ITGAM: variants seen among roughly 807,000 people sequenced by gnomAD.
ITGAM encodes the protein integrin subunit alpha M, also known as integrin alpha-M.
In ITGAM, 79 loss-of-function variants were observed where a neutral mutation model predicts 137.5. The ratio of observed to expected loss-of-function variants is 0.57; its 90% CI spans 0.48 to 0.69. The LOEUF is 0.69. ITGAM is among the 30% of genes least tolerant of loss of function. The pLI, the probability that ITGAM is intolerant of heterozygous loss-of-function variation, is 0.00. For synonymous variants in ITGAM, 583 were observed against 592.3 expected, an observed-to-expected ratio of 0.98 and a Z score of 0.23; for missense variants, 1,343 against 1,483.5, an observed-to-expected ratio of 0.91 and a Z score of 1.56.
Position 31,326,872 on chromosome 16 carries a change from C to A in ITGAM, c.2645C>A (p.Thr882Lys), listed in dbSNP as rs771895538. The A allele has an allele frequency of 6.2e-7, 1 of 1,611,824 alleles. No homozygotes were observed. The highest frequency in any genetic ancestry group is 8.5e-7 in the Non-Finnish European group (1 of 1,177,914). The change falls in exon 22 of 30, where the codon ACG (threonine) becomes AAG (lysine). Residue 882 changes from threonine to lysine, a missense_variant. Physicochemically the swap from Thr to Lys is moderately conservative, Grantham distance 78. Transcript: ENST00000544665. ...PENSEVTFNI[T>K]FDVDSKASLG... ...TCACTCCAGGTCACCTTTAATATCACGTTTGATGTAGACTCTAAGGCTTCC... is the reference window on the plus strand; with the variant it reads ...TCACTCCAGGTCACCTTTAATATCAAGTTTGATGTAGACTCTAAGGCTTCC...
At chr16:31,262,588 A>G (rs988110706) in intron 2 of ITGAM, among the ~76,000 whole-genome samples, 2 of 151,632 alleles carry the variant, frequency 1.3e-5, no homozygotes, top group East Asian at 2.0e-4. Flanking sequence ...TTTTTTTTGT[A>G]TAGACGAGGT....
chr16:31,267,341 C>T (rs558116796), intron 5 of ITGAM, among the ~76,000 whole-genome samples: 1 of 152,198 alleles, frequency 6.6e-6, no homozygotes, highest in South Asian at 2.1e-4. Flanking sequence ...ATATTTCACC[C>T]TCCACAGTTA....
rs1268378054 is a variant in ITGAM, at chr16:31,324,614, G to A, written c.2158-37G>A. The A allele has an allele frequency of 2.7e-5, 44 of 1,608,910 alleles. No individual in the cohort carries two copies. Among genetic ancestry groups the A allele is most frequent in the Non-Finnish European group, 3.6e-5 (42 of 1,177,066 alleles). ...AAGCATGGAGTGGGCTTGGGGAGCT[G>A]AGGAGGGCAGATCCCCAAATCCCGG... On this transcript the variant is annotated intron_variant, in intron 17 of 29. Transcript: ENST00000544665. The surrounding 1 kb of genome is among the most constrained non-coding windows in gnomAD (Gnocchi z 4.5).
At position 31,278,152 on chromosome 16, in the gene ITGAM, C is replaced by A. The variant is rs759517468; in HGVS notation, c.1356+43C>A. The A allele has an allele frequency of 7.7e-6, 12 of 1,565,950 alleles. No individual in the cohort carries two copies. The Admixed American group carries it at 2.2e-4, about 29-fold the overall frequency. On this transcript the variant is annotated intron_variant, in intron 12 of 29. Transcript: ENST00000544665. ...AGCATGAATGTGCAAACAGAGGCGC[C>A]CTGGGGTCTTAGAGATTCCAGGAGG...
Position 31,265,479 on chromosome 16 carries a change from C to A in ITGAM, c.219C>A (p.Cys73Ter), listed in dbSNP as rs200003591. Residue 73 changes from cysteine (C) to a stop codon, truncating the protein, a stop_gained, in exon 3 of 30, where the codon TGC becomes TGA. Transcript: ENST00000544665. LOFTEE classifies it high-confidence loss of function. ...AGTGCGACTACAGCACAGGCTCATGCGAGCCCATCCGCCTGCAGGGTGAGT... is the reference window on the plus strand; with the variant it reads ...AGTGCGACTACAGCACAGGCTCATGAGAGCCCATCCGCCTGCAGGGTGAGT... ...LYQCDYSTGSCEPIRLQVPVE... is the reference protein window; with the variant it reads ...LYQCDYSTGS 6.3e-7 allele frequency: 1 copy of A among 1,599,356 alleles called. No individual in the cohort carries two copies. Among genetic ancestry groups the A allele is most frequent in the African/African-American group, 1.3e-5 (1 of 74,484 alleles).
At chr16:31,280,509 G>C (rs1471479801) in intron 12 of ITGAM, among the ~76,000 whole-genome samples, 2 of 152,072 alleles carry the variant, frequency 1.3e-5, no homozygotes, top group African/African-American at 4.8e-5. Flanking sequence ...ATTGTGAATG[G>C]GAGTTCACTC....
At chr16:31,331,510 T>TAC in intron 29 of ITGAM, 126 bp from the exon 30 acceptor site, 7 of 600,794 alleles carry the variant, frequency 1.2e-5, no homozygotes, top group Admixed American at 2.9e-5. Context: ...CGGATGTCAC[T>TAC]CCCCTCCCGC....
intron 2 of ITGAM, among the ~76,000 whole-genome samples, chr16:31,263,184 A>G (rs1596965167): frequency 6.6e-6 from 1 of 151,672 alleles, no homozygotes; most frequent in East Asian, 2.0e-4. Flanking sequence ...CAGGTGATCC[A>G]CCTGCCTCGG....
chr16:31,330,928 CAGTG>C (rs956638763), intron 28 of ITGAM, among the ~76,000 whole-genome samples: 7 of 97,474 alleles, frequency 7.2e-5, no homozygotes, highest in African/African-American at 3.6e-4. Context: ...GAGACAGAGA[CAGTG>C]AGCCATGGAG....
chr16:31,297,713 G>A lies in ITGAM; in HGVS notation c.1498-32G>A, dbSNP rs781413724. 39 of 1,594,812 alleles carry A rather than the reference G, an allele frequency of 2.4e-5. No homozygotes were observed. In the East Asian group the frequency reaches 8.8e-4, roughly 36 times the overall value. On this transcript the variant is annotated intron_variant, in intron 13 of 29. Transcript: ENST00000544665. ...CCGGTGTGGGTGGAGGGGTCGCCTG[G>A]GTTGGGGCCTGATACTGTTTGTGTT...
chr16:31,277,287 C>T (rs142020177), intron 11 of ITGAM, among the ~76,000 whole-genome samples: 378 of 151,848 alleles, frequency 2.5e-3, no homozygotes, highest in African/African-American at 8.5e-3. Flanking sequence ...CTGCCTCCTG[C>T]GCTCAAGCGA....
chr16:31,302,896 TTCTC>T (rs948004091), intron 14 of ITGAM, among the ~76,000 whole-genome samples: 15 of 150,536 alleles, frequency 1.0e-4, no homozygotes, highest in South Asian at 2.1e-4. Flanking sequence ...CTTTCTTTCT[TTCTC>T]TCTCTCTCTT....
intron 5 of ITGAM, 64 bp downstream of exon 5, chr16:31,266,211 A>G: frequency 8.8e-7 from 1 of 1,131,502 alleles, no homozygotes; most frequent in Non-Finnish European, 1.3e-6. Flanking sequence ...GGCAGGACTG[A>G]GGTGACGTCT....
At chr16:31,269,436 A>G (rs141937226) in intron 5 of ITGAM, among the ~76,000 whole-genome samples, 7 of 152,170 alleles carry the variant, frequency 4.6e-5, no homozygotes, top group Non-Finnish European at 7.4e-5. Context: ...TGTTTAAACT[A>G]TAAACTATAA....
chr16:31,286,167 A>G (rs560287192), intron 12 of ITGAM, among the ~76,000 whole-genome samples: 1 of 149,536 alleles, frequency 6.7e-6, no homozygotes, highest in South Asian at 2.1e-4. Context: ...TGTTGCCGCA[A>G]AGGATGTGAT....
chr16:31,309,719 C>T (rs891165418), intron 14 of ITGAM, among the ~76,000 whole-genome samples: 1 of 152,066 alleles, frequency 6.6e-6, no homozygotes. Context: ...TTATTTTGCT[C>T]GTTAGTTGAT....
chr16:31,325,138 TC>T, intron 19 of ITGAM, 107 bp downstream of exon 19: 1 of 1,462,400 alleles, frequency 6.8e-7, no homozygotes, highest in South Asian at 1.3e-5. Context: ...GGCTATAAGG[TC>T]CGGTGTGGCT....
intron 28 of ITGAM, 35 bp from the exon 29 acceptor site, chr16:31,331,130 G>C (rs1258480395): frequency 8.9e-7 from 1 of 1,121,446 alleles, no homozygotes; most frequent in Non-Finnish European, 1.3e-6. Flanking sequence ...GAAATCCAGA[G>C]TCGTCTCCCC....
chr16:31,275,689 T>C lies in ITGAM; in HGVS notation c.999T>C (p.Phe333=), dbSNP rs1416180819. Reference sequence around the variant, plus strand: ...AGAACCAGCTTCGGGAGAAGATCTTTGCGATCGAGGGTGAGTCAGGCATCT... The same window carrying C: ...AGAACCAGCTTCGGGAGAAGATCTTCGCGATCGAGGGTGAGTCAGGCATCT... ...TIQNQLREKI[F]AIEGTQTGSS... Residue 333 remains phenylalanine (F), a synonymous_variant, in exon 9 of 30, where the codon TTT becomes TTC. Transcript: ENST00000544665. 1.2e-6 allele frequency: 2 copies of C among 1,613,764 alleles called. No individual in the cohort carries two copies. The highest frequency in any genetic ancestry group is 1.3e-5 in the African/African-American group (1 of 74,916).
Sources: gnomAD v4.1 joint callset for allele counts (sites outside exome capture counted in the v4.1 genomes callset) on GRCh38, gnomAD v4.1.1 for gene constraint, Gnocchi (gnomAD v3.1) non-coding constraint, MANE v1.5 for transcripts, NCBI Gene and HGNC (gene_info 2026-07-23, HGNC 2026-07-21) for gene names.